The following DENND1B variants were observed in gnomAD, a reference collection of about 807,000 sequenced individuals.
The protein encoded by DENND1B is DENN domain containing 1B.
DENND1B carries 59 observed loss-of-function variants against 90.1 expected under a neutral mutation model. The ratio of observed to expected loss-of-function variants is 0.65; its 90% CI spans 0.53 to 0.81. The LOEUF (loss-of-function observed/expected upper bound fraction) is 0.81, where lower values mean the gene tolerates loss of function less well. Ranked by LOEUF, DENND1B falls within the 40% of genes least tolerant of loss-of-function variation. The pLI is 0.00. For synonymous variants in DENND1B, 337 were observed against 324.6 expected (o/e 1.04, Z -0.41); for missense variants, 862 against 912.6 (o/e 0.94, Z 0.71).
At chr1:197,637,240 A>C (rs960831466) in intron 10 of DENND1B, among the ~76,000 whole-genome samples, 12 of 152,156 alleles carry the variant, frequency 7.9e-5, no homozygotes, top group Non-Finnish European at 1.6e-4. Flanking sequence ...GATAAGAAAA[A>C]AGAAAAAAAA....
At chr1:197,756,991 ATATATATATACACAC>A in intron 2 of DENND1B, among the ~76,000 whole-genome samples, 1 of 150,516 alleles carries the variant, frequency 6.6e-6, no homozygotes, top group East Asian at 1.9e-4. Flanking sequence ...ATATATTTAT[ATATATATATACACAC>A]TATATATATA....
intron 15 of DENND1B, among the ~76,000 whole-genome samples, chr1:197,576,614 G>A (rs148275898): frequency 1.1e-3 from 165 of 152,274 alleles, no homozygotes; most frequent in African/African-American, 3.9e-3. Context: ...TGTACAACAT[G>A]TATAAATGTT....
chr1:197,612,082 G>C, intron 11 of DENND1B, 106 bp from the exon 12 acceptor site: 1 of 851,526 alleles, frequency 1.2e-6, no homozygotes, highest in Non-Finnish European at 1.8e-6. Context: ...TAAATGCTCA[G>C]TTCCAGCATA....
chr1:197,715,020 G>A lies in DENND1B; in HGVS notation c.126+11C>T. 1.2e-6 allele frequency: 2 copies of A among 1,604,792 alleles called. No individual in the cohort carries two copies. The highest frequency in any genetic ancestry group is 1.7e-6 in the Non-Finnish European group (2 of 1,172,854). ...AACTTTAAATTTTTTAAAAAATTAT[G>A]TGGTACCAACCTGGTCTCCAAAGTC... On this transcript the variant is annotated intron_variant, in intron 3 of 22. Coordinates refer to ENST00000620048, the MANE Select transcript of DENND1B (RefSeq NM_001195215.2).
chr1:197,624,879 T>C lies in DENND1B; in HGVS notation c.673-7120A>G, dbSNP rs540202183. ...GAACTATGTGAAGAATGCAGAAGCC[T>C]CAGGAGCCGATGCGATCAACTGGAA... is the stretch of plus-strand genomic sequence containing the variant. On this transcript the variant is annotated intron_variant, in intron 10 of 22. Transcript: ENST00000620048. 2.0e-3 allele frequency among the ~76,000 whole-genome samples: 303 copies of C among 151,876 alleles called. 1 individual carries two copies. Among genetic ancestry groups the C allele is most frequent in the African/African-American group, 7.0e-3 (291 of 41,448 alleles).
chr1:197,719,058 A>G (rs1660911406), intron 2 of DENND1B, among the ~76,000 whole-genome samples: 1 of 152,120 alleles, frequency 6.6e-6, no homozygotes, highest in South Asian at 2.1e-4. Context: ...AATGGCAACT[A>G]TATTAAAAGA....
At chr1:197,726,745 A>G (rs1298158014) in intron 2 of DENND1B, among the ~76,000 whole-genome samples, 1 of 152,220 alleles carries the variant, frequency 6.6e-6, no homozygotes, top group African/African-American at 2.4e-5. Context: ...GAGACCCAGA[A>G]GGTACTCAAG....
chr1:197,672,140 C>T lies in DENND1B; in HGVS notation c.193G>A (p.Val65Ile), dbSNP rs1655576187. The part of the protein sequence containing the change: ...FDVERVSQNQ[V>I]GQHFTFVLTD... The stretch of plus-strand genomic sequence containing the variant: ...AGTACAAAGGTAAAGTGCTGTCCAA[C>T]TTGATTCTGAGACACCCTAAAATAT... The change falls in exon 5 of 23, where the codon GTT (valine) becomes ATT (isoleucine). Residue 65 changes from valine to isoleucine, a missense_variant. Coordinates refer to ENST00000620048, the MANE Select transcript of DENND1B (RefSeq NM_001195215.2). The T allele has an allele frequency of 4.3e-6, 7 of 1,609,716 alleles. No homozygotes were observed. The highest frequency in any genetic ancestry group is 1.7e-5 in the Admixed American group (1 of 59,342).
intron 2 of DENND1B, among the ~76,000 whole-genome samples, chr1:197,718,071 G>A (rs541593915): frequency 6.6e-6 from 1 of 152,126 alleles, no homozygotes; most frequent in East Asian, 1.9e-4. Flanking sequence ...TCAAAACAAT[G>A]AGAAGTGTGA....
At chr1:197,750,053 G>T (rs1412780976) in intron 2 of DENND1B, among the ~76,000 whole-genome samples, 1 of 151,984 alleles carries the variant, frequency 6.6e-6, no homozygotes, top group African/African-American at 2.4e-5. Flanking sequence ...CGCTATTTTG[G>T]CCAGGCTGGT....
rs1653318897 is a variant in DENND1B at position 197,652,329 on chromosome 1, A to C, written c.367-14T>G. On this transcript the variant is annotated splice_polypyrimidine_tract_variant and intron_variant, in intron 6 of 22. Coordinates refer to ENST00000620048, the MANE Select transcript of DENND1B (RefSeq NM_001195215.2). ...CAAATCATTTTCCTAGGGCAAAAGAAAAAGTACATTTTATAAATAAAACAT... is the reference window on the plus strand; with the variant it reads ...CAAATCATTTTCCTAGGGCAAAAGACAAAGTACATTTTATAAATAAAACAT... 4 of 1,601,140 alleles carry C rather than the reference A, an allele frequency of 2.5e-6. No individual in the cohort carries two copies. The highest frequency in any genetic ancestry group is 1.7e-4 in the Middle Eastern group (1 of 6,034).
At position 197,715,011 on chromosome 1, in the gene DENND1B, A is replaced by G; in HGVS notation, c.126+20T>C. On this transcript the variant is annotated intron_variant, in intron 3 of 22. Transcript: ENST00000620048. ...TAATACTTCAACTTTAAATTTTTTA[A>G]AAAATTATGTGGTACCAACCTGGTC... 6.3e-7 allele frequency: 1 copy of G among 1,597,772 alleles called. No individual in the cohort carries two copies. The highest frequency in any genetic ancestry group is 1.7e-4 in the Middle Eastern group (1 of 6,028).
At chr1:197,746,570 C>A (rs1310594940) in intron 2 of DENND1B, among the ~76,000 whole-genome samples, 1 of 152,148 alleles carries the variant, frequency 6.6e-6, no homozygotes, top group East Asian at 1.9e-4. Context: ...ATTTTATTCA[C>A]TTCAGTACGA....
intron 2 of DENND1B, among the ~76,000 whole-genome samples, chr1:197,749,533 C>T (rs1449396758): frequency 6.6e-6 from 1 of 151,936 alleles, no homozygotes; most frequent in African/African-American, 2.4e-5. Flanking sequence ...GAAATCTATT[C>T]CCAAGTAAAT....
intron 18 of DENND1B, chr1:197,545,505 T>C (rs1670743380): frequency 5.8e-6 from 1 of 172,254 alleles, no homozygotes; most frequent in African/African-American, 2.4e-5. Flanking sequence ...GGAGACTCAC[T>C]GAAGAATGTT....
intron 2 of DENND1B, among the ~76,000 whole-genome samples, chr1:197,736,719 T>C (rs1412652258): frequency 6.6e-6 from 1 of 152,246 alleles, no homozygotes; most frequent in Non-Finnish European, 1.5e-5. Flanking sequence ...AATTTGTTAC[T>C]GTAACCTTTC....
intron 20 of DENND1B, among the ~76,000 whole-genome samples, chr1:197,521,608 G>T (rs1668781602): frequency 1.3e-5 from 2 of 151,750 alleles, no homozygotes; most frequent in Non-Finnish European, 2.9e-5. Context: ...GTATTTTGCA[G>T]CCTAAGAAAA....
chr1:197,755,873 G>T (rs934242749), intron 2 of DENND1B, among the ~76,000 whole-genome samples: 3 of 152,158 alleles, frequency 2.0e-5, no homozygotes, highest in African/African-American at 7.2e-5. Flanking sequence ...GCACAGGAAA[G>T]ACCCATCCCC....
intron 19 of DENND1B, among the ~76,000 whole-genome samples, chr1:197,540,461 T>C (rs1221773576): frequency 2.6e-5 from 4 of 152,020 alleles, no homozygotes. Context: ...AAGATACAAA[T>C]TAAAATCAAC....
Sources: gnomAD v4.1 joint callset for allele counts (sites outside exome capture counted in the v4.1 genomes callset) on GRCh38, gnomAD v4.1.1 for gene constraint, MANE v1.5 for transcripts, NCBI Gene and HGNC (gene_info 2026-07-23, HGNC 2026-07-21) for gene names.